The following LITAF variants were observed in gnomAD, a reference collection of about 807,000 sequenced individuals.
LITAF encodes lipopolysaccharide induced TNF factor, also known as lipopolysaccharide-induced tumor necrosis factor-alpha factor.
Under a neutral mutation model 14.5 loss-of-function variants are expected in LITAF, and 9 were observed. The ratio of observed to expected loss-of-function variants is 0.62; its 90% confidence interval spans 0.37 to 1.08. The LOEUF is 1.08. Ranked by LOEUF, LITAF falls within the 50% of genes least tolerant of loss-of-function variation. The pLI, the probability that LITAF is intolerant of heterozygous loss-of-function variation, is 0.01. For synonymous variants in LITAF, 98 were observed against 88.2 expected, an observed-to-expected ratio of 1.11 and a Z score of -0.62; for missense variants, 206 against 213.4, an observed-to-expected ratio of 0.97 and a Z score of 0.22.
upstream of LITAF, among the ~76,000 whole-genome samples, chr16:11,588,013 G>C (rs2064825022): frequency 6.6e-6 from 1 of 152,126 alleles, no homozygotes; most frequent in Admixed American, 6.5e-5. Flanking sequence ...GATAGGGAGT[G>C]TGGCTTGTCC....
chr16:11,615,125 G>C (rs560171519), intron 3 of LITAF, among the ~76,000 whole-genome samples: 1 of 152,218 alleles, frequency 6.6e-6, no homozygotes, highest in Admixed American at 6.5e-5. Flanking sequence ...AGGAGAAAAC[G>C]AGGCAGGAAA....
At chr16:11,581,027 A>G (rs1467632779) in intron 1 of LITAF, among the ~76,000 whole-genome samples, 1 of 152,176 alleles carries the variant, frequency 6.6e-6, no homozygotes, top group Non-Finnish European at 1.5e-5. Context: ...GTCCTCCCAG[A>G]GTGCTGGGAT....
chr16:11,584,385 G>A (rs1472408050), intron 1 of LITAF: 1 of 152,192 alleles, frequency 6.6e-6, no homozygotes, highest in Admixed American at 6.5e-5. Context: ...CATTCTCAAA[G>A]TGCTATTATA....
chr16:11,572,010 G>A (rs1177097164), intron 1 of LITAF, among the ~76,000 whole-genome samples: 1 of 152,058 alleles, frequency 6.6e-6, no homozygotes, highest in Non-Finnish European at 1.5e-5. Context: ...AATCACTTGA[G>A]CCCAGGAGTT....
In LITAF at chr16:11,568,302, A is replaced by G. The variant is rs2064487735; in HGVS notation, c.-5-11567T>C. Among the ~76,000 whole-genome samples the G allele has an allele frequency of 2.0e-5, 3 of 151,864 alleles. No individual in the cohort carries two copies. The South Asian group carries it at 6.2e-4, about 31-fold the overall frequency. ...GACCCTGTCTCGAAAAAAAAAAAAAAAGAAAAGAGAGAGGGTAGTTCTTAC... is the reference window on the plus strand; with the variant it reads ...GACCCTGTCTCGAAAAAAAAAAAAAGAGAAAAGAGAGAGGGTAGTTCTTAC... On this transcript the variant is annotated intron_variant, in intron 1 of 3. Coordinates refer to ENST00000622633, the MANE Select transcript of LITAF (RefSeq NM_001136472.2).
rs544481901 is a variant in LITAF at position 11,576,770 on chromosome 16, G to A, written c.-6+10116C>T. Among the ~76,000 whole-genome samples the A allele has an allele frequency of 3.9e-5, 6 of 152,256 alleles. No individual in the cohort carries two copies. In the South Asian group the frequency reaches 6.2e-4, roughly 16 times the overall value. On this transcript the variant is annotated intron_variant, in intron 1 of 3. Transcript: ENST00000622633. ...TGTAAAGTAAGAGTTCATAGTTGCCGTGGGCGCCTCCTCTGAGTGAGGTAA... is the reference window on the plus strand; with the variant it reads ...TGTAAAGTAAGAGTTCATAGTTGCCATGGGCGCCTCCTCTGAGTGAGGTAA...
chr16:11,570,833 G>C (rs1326399404), intron 1 of LITAF, among the ~76,000 whole-genome samples: 1 of 151,984 alleles, frequency 6.6e-6, no homozygotes, highest in East Asian at 1.9e-4. Context: ...GAGGTTGGGG[G>C]GTGGGGTCTA....
chr16:11,584,311 C>T (rs2064778469), intron 1 of LITAF: 1 of 152,176 alleles, frequency 6.6e-6, no homozygotes, highest in South Asian at 2.1e-4. Flanking sequence ...TTTCCACCCT[C>T]ACTGTAGCTC....
At chr16:11,575,210 C>T (rs77616055) in intron 1 of LITAF, among the ~76,000 whole-genome samples, 2,270 of 152,216 alleles carry the variant, frequency 0.015, 24 homozygotes, top group Non-Finnish European at 0.023. Context: ...CCCTTGCCGG[C>T]CTTATGGGAC....
At chr16:11,591,866 G>A (rs1294782161), upstream of LITAF, among the ~76,000 whole-genome samples, 1 of 152,166 alleles carries the variant, frequency 6.6e-6, no homozygotes, top group African/African-American at 2.4e-5. Flanking sequence ...TGAGATTACA[G>A]GCATGAGCCA....
intron 1 of LITAF, among the ~76,000 whole-genome samples, chr16:11,581,295 T>A (rs2064728998): frequency 6.6e-6 from 1 of 152,150 alleles, no homozygotes; most frequent in Non-Finnish European, 1.5e-5. Context: ...AGAAAAACTA[T>A]AAGGTGAAAT....
chr16:11,580,352 G>C lies in LITAF; in HGVS notation c.-6+6534C>G, dbSNP rs537163288. Reference sequence around the variant, plus strand: ...AGCTCACTGTAACCTCTGCCTCCCAGGTTCAAGTGATTCTCCTGCCTCAGC... The same window carrying C: ...AGCTCACTGTAACCTCTGCCTCCCACGTTCAAGTGATTCTCCTGCCTCAGC... On this transcript the variant is annotated intron_variant, in intron 1 of 3. Transcript: ENST00000622633. 5.9e-4 allele frequency among the ~76,000 whole-genome samples: 90 copies of C among 151,990 alleles called. 1 individual carries two copies. Among genetic ancestry groups the C allele is most frequent in the Non-Finnish European group, 1.1e-3 (77 of 67,972 alleles).
In LITAF at chr16:11,620,237, G is replaced by C. The variant is rs111989281; in HGVS notation, c.85+13296C>G. Among the ~76,000 whole-genome samples, 107 of 152,204 alleles carry C rather than the reference G, an allele frequency of 7.0e-4. 1 individual carries two copies. The highest frequency in any genetic ancestry group is 2.4e-3 in the African/African-American group (99 of 41,542). ...TCCACAATGTTGGAGGTGGGGCCTGGTGGGAGGTGTTTGGATCATGGAAGC... is the reference window on the plus strand; with the variant it reads ...TCCACAATGTTGGAGGTGGGGCCTGCTGGGAGGTGTTTGGATCATGGAAGC... On this transcript the variant is annotated intron_variant, in intron 3 of 3. Transcript: ENST00000574848.
chr16:11,638,701 CAAAAAA>C (rs57170972), upstream of LITAF, among the ~76,000 whole-genome samples: 28 of 75,930 alleles, frequency 3.7e-4, no homozygotes, highest in African/African-American at 9.5e-4. Flanking sequence ...GACTCTGTCT[CAAAAAA>C]AAAAAAAAAA....
At chr16:11,624,564 C>T (rs182045053) in intron 3 of LITAF, among the ~76,000 whole-genome samples, 2 of 152,346 alleles carry the variant, frequency 1.3e-5, no homozygotes, top group Admixed American at 1.3e-4. Context: ...AGTTCTATGA[C>T]ATCTTGCACA....
upstream of LITAF, among the ~76,000 whole-genome samples, chr16:11,589,328 G>A (rs1421774265): frequency 6.6e-6 from 1 of 152,166 alleles, no homozygotes; most frequent in Admixed American, 6.5e-5. Context: ...CAGAGCTAAT[G>A]ACACACTTAA....
chr16:11,620,103 G>T (rs1170185914), intron 3 of LITAF, among the ~76,000 whole-genome samples: 1 of 151,494 alleles, frequency 6.6e-6, no homozygotes, highest in Admixed American at 6.6e-5. Context: ...GGGAGGCAGA[G>T]GCTGCAGAGA....
In LITAF at chr16:11,558,505, C is replaced by T. The variant is rs1421029330; in HGVS notation, c.-5-1770G>A. Among the ~76,000 whole-genome samples the T allele has an allele frequency of 6.6e-6, 1 of 152,068 alleles. No homozygotes were observed. The highest frequency in any genetic ancestry group is 2.4e-5 in the African/African-American group (1 of 41,410). On this transcript the variant is annotated intron_variant, in intron 1 of 3. Transcript: ENST00000622633. This position sits in a 1 kb window ranked among gnomAD's most constrained non-coding sequence, Gnocchi z 4.1. ...GGAGGATCACTTGAGCCCAGGAATT[C>T]ACCACCAGCCTGGGCAACATAGTGA...
At position 11,624,923 on chromosome 16, in the gene LITAF, G is replaced by A. The variant is rs574558570; in HGVS notation, c.85+8610C>T. 5.9e-5 allele frequency among the ~76,000 whole-genome samples: 9 copies of A among 152,240 alleles called. No individual in the cohort carries two copies. The South Asian group carries it at 1.7e-3, about 28-fold the overall frequency. The stretch of plus-strand genomic sequence containing the variant: ...CTCTGACCCTCCTGGCGTGCTGCCT[G>A]AGACTGCCCGATAAGACTACCCCAT... On this transcript the variant is annotated intron_variant, in intron 3 of 3. Transcript: ENST00000574848.
Sources: gnomAD v4.1 joint callset for allele counts (sites outside exome capture counted in the v4.1 genomes callset) on GRCh38, gnomAD v4.1.1 for gene constraint, Gnocchi (gnomAD v3.1) non-coding constraint, MANE v1.5 for transcripts, NCBI Gene and HGNC (gene_info 2026-07-23, HGNC 2026-07-21) for gene names.